CPSF3: variants seen among roughly 807,000 people sequenced by gnomAD.
CPSF3 encodes the protein cleavage and polyadenylation specificity factor subunit 3.
In CPSF3, 57 loss-of-function variants were observed where a neutral mutation model predicts 84.1. The ratio of observed to expected loss-of-function variants is 0.68; its 90% CI spans 0.55 to 0.85. The LOEUF is 0.85. Ranked by LOEUF, CPSF3 falls within the 40% of genes least tolerant of loss-of-function variation. The pLI is 0.00. For synonymous variants in CPSF3, 275 were observed against 278.1 expected (o/e 0.99, Z 0.11); for missense variants, 522 against 838.8 (o/e 0.62, Z 4.66).
intron 9 of CPSF3, among the ~76,000 whole-genome samples, chr2:9,442,859 AAAAAGAAAAAAAAAATTTCCAGGCCTGG>A (rs950444105): frequency 3.9e-5 from 6 of 151,916 alleles, no homozygotes; most frequent in African/African-American, 1.4e-4. Flanking sequence ...TCTCCAAAAA[AAAAAGAAAAAAAAAATTTCCAGGCCTGG>A]CACAGTGCCT....
At position 9,458,010 on chromosome 2, in the gene CPSF3, A is replaced by G. The variant is rs545505710; in HGVS notation, c.1698+983A>G. Among the ~76,000 whole-genome samples the G allele has an allele frequency of 7.0e-4, 107 of 152,220 alleles. 2 individuals are homozygous for G. Among genetic ancestry groups the G allele is most frequent in the Non-Finnish European group, 1.8e-4 (12 of 68,000 alleles). On this transcript the variant is annotated intron_variant, in intron 14 of 17. Coordinates refer to ENST00000238112, the MANE Select transcript of CPSF3 (RefSeq NM_016207.4). ...ACCTCAAGTGATCCACCCGCCTCGCATACATTCTATTTTTAAAACAAAAAA... is the reference window on the plus strand; with the variant it reads ...ACCTCAAGTGATCCACCCGCCTCGCGTACATTCTATTTTTAAAACAAAAAA...
intron 9 of CPSF3, 24 bp downstream of exon 9, chr2:9,442,000 G>C: frequency 6.2e-7 from 1 of 1,608,176 alleles, no homozygotes; most frequent in South Asian, 1.1e-5. Context: ...ATAGGCTGTT[G>C]TGTTATTCCT....
At position 9,428,822 on chromosome 2, in the gene CPSF3, A is replaced by G. The variant is rs1424630262; in HGVS notation, c.108A>G (p.Lys36=). Residue 36 remains lysine, a synonymous_variant, in exon 2 of 18, where the codon AAA becomes AAG. Coordinates refer to ENST00000238112, the MANE Select transcript of CPSF3 (RefSeq NM_016207.4). ...SCIILEFKGR[K]IMLDCGIHPG... ...TTATTCTCGAGTTCAAAGGAAGAAA[A>G]ATAATGGTAATTACTATTTTTGTAC... 2 of 1,570,724 alleles carry G rather than the reference A, an allele frequency of 1.3e-6. No individual in the cohort carries two copies. Among genetic ancestry groups the G allele is most frequent in the Non-Finnish European group, 1.8e-6 (2 of 1,140,744 alleles).
intron 3 of CPSF3, among the ~76,000 whole-genome samples, chr2:9,430,504 C>T (rs1680548566): frequency 6.6e-6 from 1 of 152,178 alleles, no homozygotes; most frequent in Non-Finnish European, 1.5e-5. Flanking sequence ...TTGGGATATT[C>T]TTCTTCCTCC....
intron 7 of CPSF3, among the ~76,000 whole-genome samples, chr2:9,438,586 G>T (rs1680864982): frequency 6.6e-6 from 1 of 150,622 alleles, no homozygotes; most frequent in Non-Finnish European, 1.5e-5. Flanking sequence ...CGCGATCTCG[G>T]CTCACCACAA....
intron 4 of CPSF3, 64 bp downstream of exon 4, chr2:9,430,944 G>C: frequency 7.9e-7 from 1 of 1,269,610 alleles, no homozygotes; most frequent in South Asian, 1.3e-5. Flanking sequence ...TTCAAGATAT[G>C]GACCATTTTG....
intron 8 of CPSF3, chr2:9,441,606 A>T: frequency 1.8e-6 from 1 of 545,424 alleles, no homozygotes; most frequent in Non-Finnish European, 3.3e-6. Flanking sequence ...ATCGGGGTGA[A>T]CTTACCGCTT....
At position 9,430,872 on chromosome 2, in the gene CPSF3, C is replaced by A; in HGVS notation, c.333C>A (p.Val111=). 6.2e-7 allele frequency: 1 copy of A among 1,611,658 alleles called. No individual in the cohort carries two copies. The highest frequency in any genetic ancestry group is 1.1e-5 in the South Asian group (1 of 90,960). The change falls in exon 4 of 18, where the codon GTC becomes GTA. Residue 111 remains valine (V), a synonymous_variant. Transcript: ENST00000238112. ...ATAGATGGCTTCTTTCTGATTATGTCAAAGTTAGGTAAATTACTTTATTAG... is the reference window on the plus strand; with the variant it reads ...ATAGATGGCTTCTTTCTGATTATGTAAAAGTTAGGTAAATTACTTTATTAG... ...AIYRWLLSDY[V]KVSNISADDM...
chr2:9,454,729 A>G (rs1216009135), intron 12 of CPSF3, among the ~76,000 whole-genome samples: 1 of 151,720 alleles, frequency 6.6e-6, no homozygotes, highest in Admixed American at 6.6e-5. Context: ...TATTTTTAGT[A>G]GAGACGGGGT....
At chr2:9,469,565 G>A (rs375746425) in intron 16 of CPSF3, among the ~76,000 whole-genome samples, 3 of 152,138 alleles carry the variant, frequency 2.0e-5, no homozygotes, top group Non-Finnish European at 4.4e-5. Context: ...GGCAGTCTGC[G>A]GGAGGCTGCG....
chr2:9,435,575 A>G (rs948434670), intron 6 of CPSF3, among the ~76,000 whole-genome samples: 15 of 150,828 alleles, frequency 9.9e-5, no homozygotes, highest in Non-Finnish European at 1.9e-4. Context: ...GGCATGCGCC[A>G]CCATGCCCAG....
At position 9,455,740 on chromosome 2, in the gene CPSF3, AGC is replaced by A; in HGVS notation, c.1587_1588del (p.Gln529HisfsTer7). On this transcript the variant is annotated frameshift_variant, in exon 13 of 18. Coordinates refer to ENST00000238112, the MANE Select transcript of CPSF3 (RefSeq NM_016207.4). LOFTEE classifies it high-confidence loss of function. ...GGTCCCTTTAATTTGCTCTGTTACC[AGC>A]TGCAGAAATTGACAGGTGTGTGTGT... 1 of 1,613,524 alleles carries A rather than the reference AGC, an allele frequency of 6.2e-7. No individual in the cohort carries two copies. Among genetic ancestry groups the A allele is most frequent in the Admixed American group, 1.7e-5 (1 of 60,006 alleles).
At chr2:9,472,341 CA>C (rs1682200050) in intron 17 of CPSF3, among the ~76,000 whole-genome samples, 1 of 149,216 alleles carries the variant, frequency 6.7e-6, no homozygotes, top group Non-Finnish European at 1.5e-5. Flanking sequence ...AAAAAAGAAG[CA>C]ACTAGAAGAT....
chr2:9,424,301 G>A (rs953323935), intron 1 of CPSF3: 201 of 968,596 alleles, frequency 2.1e-4, no homozygotes, highest in Non-Finnish European at 2.3e-4. Flanking sequence ...AAATATTAGG[G>A]ACTTGCCGTG....
chr2:9,456,997 A>T lies in CPSF3; in HGVS notation c.1668A>T (p.Val556=). The change falls in exon 14 of 18, where the codon GTA becomes GTT. Residue 556 remains valine, a synonymous_variant. Coordinates refer to ENST00000238112, the MANE Select transcript of CPSF3 (RefSeq NM_016207.4). ...PALKVFKNIT[V]IQEPGMVVLE... is the part of the protein sequence containing the mutation. ...TGAAAGTGTTCAAAAATATTACTGTAATACAAGAACCAGGCATGGTGGTAT... is the reference window on the plus strand; with the variant it reads ...TGAAAGTGTTCAAAAATATTACTGTTATACAAGAACCAGGCATGGTGGTAT... The T allele has an allele frequency of 6.2e-7, 1 of 1,601,892 alleles. No individual in the cohort carries two copies. Among genetic ancestry groups the T allele is most frequent in the Non-Finnish European group, 8.5e-7 (1 of 1,173,050 alleles).
In CPSF3 at chr2:9,428,752, T is replaced by C; in HGVS notation, c.51-13T>C. On this transcript the variant is annotated splice_polypyrimidine_tract_variant and intron_variant, in intron 1 of 17. Coordinates refer to ENST00000238112, the MANE Select transcript of CPSF3 (RefSeq NM_016207.4). Reference sequence around the variant, plus strand: ...TTTTTAATCCTTCTTTTTCTCCCCTTGAATATTTACAGTGGAGCTGGGCAA... The same window carrying C: ...TTTTTAATCCTTCTTTTTCTCCCCTCGAATATTTACAGTGGAGCTGGGCAA... The C allele has an allele frequency of 6.3e-7, 1 of 1,589,044 alleles. No individual in the cohort carries two copies. Among genetic ancestry groups the C allele is most frequent in the Admixed American group, 1.7e-5 (1 of 59,400 alleles).
At chr2:9,461,907 G>A (rs375315480) in intron 15 of CPSF3, among the ~76,000 whole-genome samples, 5 of 151,848 alleles carry the variant, frequency 3.3e-5, no homozygotes, top group Admixed American at 1.3e-4. Context: ...GATTAGAGGC[G>A]TGTGCCACCA....
At chr2:9,450,987 T>C (rs994418277) in intron 11 of CPSF3, among the ~76,000 whole-genome samples, 2 of 152,174 alleles carry the variant, frequency 1.3e-5, no homozygotes. Flanking sequence ...TTTAATAGTA[T>C]TTTTCTTATA....
chr2:9,445,923 T>C (rs1264089113), intron 10 of CPSF3, among the ~76,000 whole-genome samples: 1 of 152,250 alleles, frequency 6.6e-6, no homozygotes, highest in Non-Finnish European at 1.5e-5. Context: ...TGCCGGACAC[T>C]GTATATGTGT....
Sources: allele counts gnomAD v4.1 joint callset (sites outside exome capture counted in the v4.1 genomes callset), GRCh38; gene constraint gnomAD v4.1.1; transcripts MANE v1.5; gene names NCBI Gene and HGNC (gene_info 2026-07-23, HGNC 2026-07-21).